Variants in CTNNA3 observed in about 807,000 individuals in gnomAD.
CTNNA3 encodes the protein catenin alpha-3.
Under a neutral mutation model 95.7 loss-of-function variants are expected in CTNNA3, and 76 were observed. The observed-to-expected ratio is 0.79, with a 90% CI of 0.66 to 0.96. The LOEUF is 0.96. CTNNA3 is among the 40% of genes least tolerant of loss of function. CTNNA3 has a pLI of 0.00. For synonymous variants in CTNNA3, 431 were observed against 374.4 expected (o/e 1.15, Z -1.74); for missense variants, 1,191 against 1,089.8 (o/e 1.09, Z -1.31).
chr10:67,567,036 G>C (rs1841830820), intron 3 of CTNNA3, among the ~76,000 whole-genome samples: 1 of 103,360 alleles, frequency 9.7e-6, no homozygotes, highest in South Asian at 4.2e-4. Flanking sequence ...TGGGGGGAGG[G>C]GGGAGGGATA....
chr10:66,382,668 GAC>G (rs2092851212), intron 11 of CTNNA3, among the ~76,000 whole-genome samples: 1 of 152,150 alleles, frequency 6.6e-6, no homozygotes, highest in Non-Finnish European at 1.5e-5. Context: ...CTAACTGGGA[GAC>G]ACCTCCCAGT....
At chr10:66,413,524 C>G (rs998935720) in intron 11 of CTNNA3, among the ~76,000 whole-genome samples, 2 of 152,116 alleles carry the variant, frequency 1.3e-5, no homozygotes, top group East Asian at 1.9e-4. Flanking sequence ...AATTAGCTCT[C>G]TTAATATTTT....
chr10:67,563,958 A>G (rs1216705843), intron 3 of CTNNA3, among the ~76,000 whole-genome samples: 1 of 149,176 alleles, frequency 6.7e-6, no homozygotes, highest in African/African-American at 2.5e-5. Flanking sequence ...ATCTCACACC[A>G]GTTAGAATGG....
intron 13 of CTNNA3, among the ~76,000 whole-genome samples, chr10:66,108,308 T>C (rs1352682879): frequency 2.0e-5 from 3 of 152,128 alleles, no homozygotes; most frequent in Admixed American, 6.6e-5. Flanking sequence ...ACCTTATAAA[T>C]ATTCAAGAAA....
intron 5 of CTNNA3, among the ~76,000 whole-genome samples, chr10:67,455,081 A>T (rs1847121826): frequency 6.6e-6 from 1 of 152,180 alleles, no homozygotes; most frequent in African/African-American, 2.4e-5. Flanking sequence ...AATTCTTTCT[A>T]AAGGAATTTG....
intron 9 of CTNNA3, among the ~76,000 whole-genome samples, chr10:66,710,016 A>G (rs1284171210): frequency 6.6e-6 from 1 of 152,208 alleles, no homozygotes; most frequent in African/African-American, 2.4e-5. Flanking sequence ...GGATGTGTCA[A>G]TGTGTCCATC....
At chr10:66,199,139 A>G (rs1163286777) in intron 13 of CTNNA3, among the ~76,000 whole-genome samples, 2 of 152,044 alleles carry the variant, frequency 1.3e-5, no homozygotes, top group Non-Finnish European at 1.5e-5. Context: ...CTAAATTGGC[A>G]CTAGATCCTT....
At chr10:66,806,291 G>A (rs1232591161) in intron 7 of CTNNA3, among the ~76,000 whole-genome samples, 10 of 133,652 alleles carry the variant, frequency 7.5e-5, no homozygotes, top group Non-Finnish European at 1.0e-4. Flanking sequence ...GTGTGTGTGT[G>A]TATATATACT....
intron 3 of CTNNA3, among the ~76,000 whole-genome samples, chr10:67,550,396 GCTCAT>G (rs1358557039): frequency 1.3e-5 from 2 of 152,102 alleles, no homozygotes; most frequent in Non-Finnish European, 2.9e-5. Flanking sequence ...TCAACAGCCA[GCTCAT>G]CTACCTTGTT....
intron 7 of CTNNA3, among the ~76,000 whole-genome samples, chr10:66,979,279 T>C (rs1477046013): frequency 6.6e-6 from 1 of 152,158 alleles, no homozygotes; most frequent in Non-Finnish European, 1.5e-5. Context: ...TAACTATTTC[T>C]TAAGTAGGAC....
chr10:66,381,924 C>T (rs572093324), intron 11 of CTNNA3, among the ~76,000 whole-genome samples: 5 of 152,266 alleles, frequency 3.3e-5, no homozygotes, highest in African/African-American at 1.2e-4. Context: ...CACAGATGTA[C>T]ACTTTAATGA....
intron 9 of CTNNA3, among the ~76,000 whole-genome samples, chr10:66,737,749 T>C (rs566933082): frequency 6.6e-6 from 1 of 152,194 alleles, no homozygotes; most frequent in East Asian, 1.9e-4. Context: ...AACCTCTGAC[T>C]GCCTGGTTCA....
chr10:67,326,057 T>G (rs1405102210), intron 5 of CTNNA3, among the ~76,000 whole-genome samples: 2 of 152,206 alleles, frequency 1.3e-5, no homozygotes, highest in South Asian at 2.1e-4. Flanking sequence ...ACCCCTGCTT[T>G]TATCTGTTTT....
At position 66,328,931 on chromosome 10, in the gene CTNNA3, T is replaced by TATATATATATATATAC. The variant is rs1410607908; in HGVS notation, c.1733-48311_1733-48310insGTATATATATATATAT. On this transcript the variant is annotated intron_variant, in intron 12 of 17. Coordinates refer to ENST00000433211, the MANE Select transcript of CTNNA3 (RefSeq NM_013266.4). The stretch of plus-strand genomic sequence containing the variant: ...ATATACATATATATATATATATATA[T>TATATATATATATATAC]ATACACACACACATATAAATATAAT... Among the ~76,000 whole-genome samples, 21 of 119,998 alleles carry TATATATATATATATAC rather than the reference T, an allele frequency of 1.8e-4. No individual in the cohort carries two copies. The East Asian group carries it at 4.9e-3, about 28-fold the overall frequency. 78.7% of individuals were successfully genotyped at this position (119,998 alleles called of 152,430 possible).
chr10:67,238,232 G>A (rs1054211875), intron 5 of CTNNA3, among the ~76,000 whole-genome samples: 1 of 152,118 alleles, frequency 6.6e-6, no homozygotes, highest in Non-Finnish European at 1.5e-5. Context: ...ATAGAGATAT[G>A]TGAAACACCA....
chr10:67,459,632 T>C (rs1480124711), intron 5 of CTNNA3, among the ~76,000 whole-genome samples: 1 of 152,216 alleles, frequency 6.6e-6, no homozygotes, highest in African/African-American at 2.4e-5. Flanking sequence ...CTAGTTTCAC[T>C]ATCTCAGATC....
At chr10:66,083,769 G>A (rs1303618037) in intron 14 of CTNNA3, among the ~76,000 whole-genome samples, 1 of 152,208 alleles carries the variant, frequency 6.6e-6, no homozygotes, top group Non-Finnish European at 1.5e-5. Flanking sequence ...AGGTAGCCAA[G>A]TCCTACAGAG....
chr10:67,194,538 G>A (rs1221433040), intron 6 of CTNNA3, among the ~76,000 whole-genome samples: 1 of 151,022 alleles, frequency 6.6e-6, no homozygotes, highest in East Asian at 2.0e-4. Context: ...ACAGTAAGAA[G>A]TCAGTGGTTG....
chr10:66,709,439 G>GT (rs1446787032), intron 9 of CTNNA3, among the ~76,000 whole-genome samples: 4 of 152,034 alleles, frequency 2.6e-5, no homozygotes, highest in African/African-American at 9.7e-5. Flanking sequence ...CATAAAGGTC[G>GT]TCATCCCTTG....
Sources: gnomAD v4.1 joint callset for allele counts (sites outside exome capture counted in the v4.1 genomes callset) on GRCh38, gnomAD v4.1.1 for gene constraint, MANE v1.5 for transcripts, NCBI Gene and HGNC (gene_info 2026-07-23, HGNC 2026-07-21) for gene names.